PPIL3: variants seen among roughly 807,000 people sequenced by gnomAD.
PPIL3 encodes the protein peptidyl-prolyl cis-trans isomerase-like 3.
A neutral mutation model predicts 20.9 loss-of-function variants in PPIL3; 13 were observed. That is an observed-to-expected ratio of 0.62 (90% CI 0.40 to 0.99). The LOEUF (loss-of-function observed/expected upper bound fraction) is 0.99, where lower values mean the gene tolerates loss of function less well. Among genes scored for constraint, PPIL3 ranks in the 50% least tolerant of loss-of-function variants. PPIL3 has a pLI of 0.00. For missense variants in PPIL3, 170 were observed against 195.2 expected (o/e 0.87, Z 0.77); for synonymous variants, 71 against 64.4 (o/e 1.10, Z -0.49).
upstream of PPIL3, chr2:200,889,273 C>G (rs772941477): frequency 3.2e-6 from 1 of 313,354 alleles, no homozygotes; most frequent in Non-Finnish European, 6.4e-6. Flanking sequence ...GCTTTACACT[C>G]GGCTGCCAAA....
Position 200,885,728 on chromosome 2 carries a change from G to T in PPIL3, c.48C>A (p.Val16=). Residue 16 remains valine (V), a synonymous_variant, in exon 3 of 7, where the codon GTC becomes GTA. Coordinates refer to ENST00000392283, the MANE Select transcript of PPIL3 (RefSeq NM_130906.3). ...ATGTTTTGGGTGTCCTCTCACAGAA[G>T]ACTTCAATTTTAATATCACCTACAT... ...HTDVGDIKIE[V]FCERTPKTCE... is the part of the protein sequence containing the mutation. The T allele has an allele frequency of 6.3e-7, 1 of 1,592,416 alleles. No individual in the cohort carries two copies. Among genetic ancestry groups the T allele is most frequent in the South Asian group, 1.1e-5 (1 of 89,926 alleles).
chr2:200,885,306 G>T (rs557087690), intron 3 of PPIL3: 1 of 355,588 alleles, frequency 2.8e-6, no homozygotes, highest in Non-Finnish European at 5.0e-6. Context: ...AGGAGGCGGA[G>T]GTTGCAGTGA....
At chr2:200,889,246 G>C, upstream of PPIL3, 3 of 344,886 alleles carry the variant, frequency 8.7e-6, no homozygotes, top group South Asian at 6.5e-5. Context: ...GAAACTACCT[G>C]GGCAACCTCA....
chr2:200,873,094 C>T (rs1342036173), intron 6 of PPIL3, among the ~76,000 whole-genome samples: 2 of 151,862 alleles, frequency 1.3e-5, no homozygotes, highest in Non-Finnish European at 2.9e-5. Context: ...CTGGTCTGGC[C>T]TGACCTCAGG....
At chr2:200,875,108 T>C (rs2039461803) in intron 6 of PPIL3, among the ~76,000 whole-genome samples, 1 of 152,316 alleles carries the variant, frequency 6.6e-6, no homozygotes, top group South Asian at 2.1e-4. Flanking sequence ...ATAGTACTCT[T>C]AATAGATACC....
chr2:200,889,027 G>A lies in PPIL3; in HGVS notation c.-142C>T, dbSNP rs956668590. The A allele has an allele frequency of 1.2e-4, 57 of 471,074 alleles. No individual in the cohort carries two copies. The highest frequency in any genetic ancestry group is 5.8e-4 in the African/African-American group (29 of 50,090). 29.2% of individuals were successfully genotyped at this position (471,074 alleles called of 1,614,324 possible). A position where few individuals can be genotyped will look rare whatever the true frequency, so the allele number is the denominator to read the frequency against. Reference sequence around the variant, plus strand: ...AAATGCAATCGCAGATGCCAGCAGAGGTCTGTTGGTTCAAAATTATAGTTT... The same window carrying A: ...AAATGCAATCGCAGATGCCAGCAGAAGTCTGTTGGTTCAAAATTATAGTTT... On this transcript the variant is annotated 5_prime_UTR_variant, in exon 1 of 7. Transcript: ENST00000392283.
intron 3 of PPIL3, among the ~76,000 whole-genome samples, chr2:200,883,633 T>C (rs1420257832): frequency 6.6e-6 from 1 of 152,086 alleles, no homozygotes; most frequent in African/African-American, 2.4e-5. Flanking sequence ...TTCTTAAAAA[T>C]ATAATTACTT....
chr2:200,876,149 T>TG (rs2039506043), intron 6 of PPIL3, among the ~76,000 whole-genome samples: 3 of 151,672 alleles, frequency 2.0e-5, no homozygotes, highest in Middle Eastern at 3.4e-3. Flanking sequence ...TTTTGTTTTT[T>TG]TTTTTTTTAA....
At chr2:200,877,385 T>G (rs1480422380) in intron 5 of PPIL3, 1 of 183,488 alleles carries the variant, frequency 5.4e-6, no homozygotes, top group Non-Finnish European at 1.1e-5. Flanking sequence ...AACTTGTATG[T>G]AAAAGGTTAA....
chr2:200,888,684 C>A (rs985973838), intron 1 of PPIL3: 4 of 307,890 alleles, frequency 1.3e-5, no homozygotes, highest in Non-Finnish European at 2.6e-5. Flanking sequence ...CGCTACCATG[C>A]ACGACTAATT....
Position 200,871,450 on chromosome 2 carries a change from A to G in PPIL3, c.431T>C (p.Leu144Pro), listed in dbSNP as rs2105750604. 8 of 1,610,030 alleles carry G rather than the reference A, an allele frequency of 5.0e-6. No homozygotes were observed. Among genetic ancestry groups the G allele is most frequent in the Non-Finnish European group, 6.0e-6 (7 of 1,176,400 alleles). The change falls in exon 7 of 7, where the codon CTT becomes CCT. Residue 144 changes from leucine (L) to proline (P), a missense_variant. Transcript: ENST00000392283. ...LPVNEKTYRP[L>P]NDVHIKDITI... is the part of the protein sequence containing the mutation. ...TATGTCCTTAATGTGTACATCATTA[A>G]GAGGTCGGTATGTCTTCTCATTTAC... is the stretch of plus-strand genomic sequence containing the variant.
At chr2:200,884,374 C>G (rs1044233775) in intron 3 of PPIL3, among the ~76,000 whole-genome samples, 5 of 151,722 alleles carry the variant, frequency 3.3e-5, no homozygotes, top group African/African-American at 1.2e-4. Context: ...TGCACTCCAG[C>G]CTGGGCAACA....
At chr2:200,878,612 A>T (rs942476371) in intron 5 of PPIL3, among the ~76,000 whole-genome samples, 1 of 151,842 alleles carries the variant, frequency 6.6e-6, no homozygotes, top group Non-Finnish European at 1.5e-5. Context: ...CTGATCTCAA[A>T]CTCCTGGCCT....
intron 3 of PPIL3, among the ~76,000 whole-genome samples, chr2:200,884,185 C>T (rs1431439436): frequency 6.7e-6 from 1 of 150,350 alleles, no homozygotes; most frequent in Non-Finnish European, 1.5e-5. Context: ...GGTGGATCAC[C>T]TGAGGTCAGG....
At chr2:200,886,094 T>C (rs1049366858) in intron 2 of PPIL3, among the ~76,000 whole-genome samples, 2 of 152,208 alleles carry the variant, frequency 1.3e-5, no homozygotes, top group African/African-American at 4.8e-5. Flanking sequence ...ATAAAAACAA[T>C]TGTTATGTAT....
chr2:200,886,199 G>A (rs1160519922), intron 2 of PPIL3, among the ~76,000 whole-genome samples: 1 of 152,070 alleles, frequency 6.6e-6, no homozygotes, highest in East Asian at 1.9e-4. Flanking sequence ...TTTTCCTTAG[G>A]TAATTTAATT....
chr2:200,888,440 T>TC (rs1447042323), intron 1 of PPIL3: 3 of 154,200 alleles, frequency 1.9e-5, no homozygotes, highest in African/African-American at 7.3e-5. Flanking sequence ...TTTTTTTTTT[T>TC]CACCACAGCA....
chr2:200,885,613 T>C (rs2039905516), intron 3 of PPIL3, 85 bp downstream of exon 3: 4 of 885,884 alleles, frequency 4.5e-6, no homozygotes, highest in Non-Finnish European at 5.4e-6. Flanking sequence ...AGTTTTGTTG[T>C]TGTTATTTAG....
intron 6 of PPIL3, among the ~76,000 whole-genome samples, chr2:200,873,600 A>G (rs1422495531): frequency 6.6e-6 from 1 of 152,068 alleles, no homozygotes; most frequent in Non-Finnish European, 1.5e-5. Flanking sequence ...TCATGTTACC[A>G]CCAAGAAAAA....
Sources: allele counts gnomAD v4.1 joint callset (sites outside exome capture counted in the v4.1 genomes callset), GRCh38; gene constraint gnomAD v4.1.1; transcripts MANE v1.5; gene names NCBI Gene and HGNC (gene_info 2026-07-23, HGNC 2026-07-21).